Variants in ARHGEF3 observed in about 807,000 individuals in gnomAD.
ARHGEF3 encodes the protein 59.8 kDA protein.
In ARHGEF3, 28 loss-of-function variants were observed where a neutral mutation model predicts 63.2. That is an observed-to-expected ratio of 0.44 (90% CI 0.33 to 0.61). The LOEUF is 0.61. ARHGEF3 is among the 20% of genes least tolerant of loss of function. The probability of loss-of-function intolerance (pLI) is 0.03; values close to 1 mark genes in which losing one functional copy is unlikely to be tolerated. For synonymous variants in ARHGEF3, 266 were observed against 254.2 expected (o/e 1.05, Z -0.44); for missense variants, 533 against 659.3 (o/e 0.81, Z 2.10).
intron 1 of ARHGEF3, among the ~76,000 whole-genome samples, chr3:57,050,799 C>A (rs913794483): frequency 2.6e-5 from 4 of 152,324 alleles, no homozygotes; most frequent in South Asian, 2.1e-4. Context: ...ATTGATGGAA[C>A]TGTGCTCATC....
chr3:56,851,957 G>A (rs2039690494), intron 4 of ARHGEF3, among the ~76,000 whole-genome samples: 1 of 152,152 alleles, frequency 6.6e-6, no homozygotes, highest in South Asian at 2.1e-4. Flanking sequence ...TTATGCTAAT[G>A]GGTCATATCA....
rs1281385606 is a variant in ARHGEF3, at chr3:56,968,224, AT to A, written c.63-9336del. Among the ~76,000 whole-genome samples the A allele has an allele frequency of 2.0e-3, 32 of 15,794 alleles. 2 individuals are homozygous for A. The highest frequency in any genetic ancestry group is 0.016 in the East Asian group (6 of 382). The allele number at this position is 15,794 out of a possible 152,430, so 10.4% of individuals were successfully genotyped here. Reference sequence around the variant, plus strand: ...TATATAAAAATATATATTATATATAATATATATATAAATATATATATTAATA... The same window carrying A: ...TATATAAAAATATATATTATATATAAATATATATAAATATATATATTAATA... On this transcript the variant is annotated intron_variant, in intron 2 of 12. Transcript: ENST00000338458.
chr3:56,762,270 C>G, intron 2 of ARHGEF3, among the ~76,000 whole-genome samples: 1 of 152,078 alleles, frequency 6.6e-6, no homozygotes, highest in Non-Finnish European at 1.5e-5. Context: ...ATGCTGGGAC[C>G]GGAGTGAAAA....
chr3:56,852,875 A>C (rs562430540), intron 4 of ARHGEF3, among the ~76,000 whole-genome samples: 3 of 152,120 alleles, frequency 2.0e-5, no homozygotes, highest in Non-Finnish European at 4.4e-5. Context: ...CACTAGAATT[A>C]TTCCTTCCAA....
intron 3 of ARHGEF3, among the ~76,000 whole-genome samples, chr3:56,901,249 T>C (rs540302904): frequency 8.5e-5 from 13 of 152,260 alleles, no homozygotes; most frequent in South Asian, 6.2e-4. Context: ...GGCCCTTTCA[T>C]TGGTGCCCTT....
rs1704974967 is a variant in ARHGEF3 at position 57,057,069 on chromosome 3, G to A, written c.-27-21893C>T. Among the ~76,000 whole-genome samples, 3 of 152,036 alleles carry A rather than the reference G, an allele frequency of 2.0e-5. No homozygotes were observed. The South Asian group carries it at 6.2e-4, about 32-fold the overall frequency. On this transcript the variant is annotated intron_variant, in intron 1 of 12. Transcript: ENST00000338458. ...AGCTGTAGTCCCGTTATGATCCTGG[G>A]TAAAATGGGGTCTACACTGCAGGTT...
intron 1 of ARHGEF3, among the ~76,000 whole-genome samples, chr3:57,045,050 T>C (rs1408300082): frequency 6.6e-6 from 1 of 152,172 alleles, no homozygotes; most frequent in East Asian, 1.9e-4. Flanking sequence ...ATGGATCACC[T>C]GAACTCAGGA....
upstream of ARHGEF3, among the ~76,000 whole-genome samples, chr3:56,805,993 T>A (rs532381571): frequency 3.9e-5 from 6 of 152,316 alleles, no homozygotes; most frequent in South Asian, 1.2e-3. Flanking sequence ...TTGGGGTGCA[T>A]ACAAGCCATG....
chr3:57,002,075 C>G (rs1256935122), intron 2 of ARHGEF3, among the ~76,000 whole-genome samples: 1 of 151,910 alleles, frequency 6.6e-6, no homozygotes. Flanking sequence ...AGGCGCCCAC[C>G]ACCGTGCCTG....
intron 3 of ARHGEF3, among the ~76,000 whole-genome samples, chr3:56,933,611 G>T (rs182998127): frequency 6.6e-6 from 1 of 152,022 alleles, no homozygotes; most frequent in Non-Finnish European, 1.5e-5. Flanking sequence ...GTAGAGACAG[G>T]ATTTCACGAT....
intron 4 of ARHGEF3, among the ~76,000 whole-genome samples, chr3:56,813,354 A>C (rs1299493693): frequency 6.6e-6 from 1 of 152,180 alleles, no homozygotes; most frequent in Non-Finnish European, 1.5e-5. Flanking sequence ...TCCCATTTTA[A>C]TGCATGTTAG....
rs578036568 is a variant in ARHGEF3, at chr3:56,729,095, C to A, written c.*175G>T. 13 of 606,976 alleles carry A rather than the reference C, an allele frequency of 2.1e-5. No individual in the cohort carries two copies. The East Asian group carries it at 3.7e-4, about 17-fold the overall frequency. 37.6% of individuals were successfully genotyped at this position (606,976 alleles called of 1,614,324 possible). ...TAGTTGCCACAGATTCCAGCTTACA[C>A]AGACAGATTGGCAGTTACAGTACTA... On this transcript the variant is annotated 3_prime_UTR_variant, in exon 10 of 10. Coordinates refer to ENST00000296315, the MANE Select transcript of ARHGEF3 (RefSeq NM_019555.3).
chr3:56,924,711 G>A (rs528879989), intron 3 of ARHGEF3, among the ~76,000 whole-genome samples: 21 of 152,310 alleles, frequency 1.4e-4, no homozygotes, highest in African/African-American at 2.6e-4. Context: ...GGTCACTCTC[G>A]TTGCCATCTT....
chr3:57,009,645 A>G (rs917000168), intron 2 of ARHGEF3, among the ~76,000 whole-genome samples: 8 of 152,148 alleles, frequency 5.3e-5, no homozygotes, highest in African/African-American at 1.9e-4. Flanking sequence ...GAAACAAATG[A>G]GAGTGCGTGG....
chr3:56,959,562 A>G (rs1700190112), intron 2 of ARHGEF3, among the ~76,000 whole-genome samples: 2 of 152,188 alleles, frequency 1.3e-5, no homozygotes, highest in Non-Finnish European at 2.9e-5. Context: ...ATTTTTATGG[A>G]TAAATTACTC....
At chr3:57,011,403 T>C (rs1560130881) in intron 2 of ARHGEF3, among the ~76,000 whole-genome samples, 2 of 152,202 alleles carry the variant, frequency 1.3e-5, no homozygotes, top group Admixed American at 6.5e-5. Context: ...CATTCAAATA[T>C]ATACGTCTCC....
At chr3:56,802,500 A>T (rs1234170811), upstream of ARHGEF3, among the ~76,000 whole-genome samples, 1 of 152,166 alleles carries the variant, frequency 6.6e-6, no homozygotes, top group Non-Finnish European at 1.5e-5. Flanking sequence ...TTTTAAGAGT[A>T]CCGTTTGTTG....
intron 1 of ARHGEF3, among the ~76,000 whole-genome samples, chr3:56,794,393 CAGG>C (rs1427546213): frequency 6.7e-6 from 1 of 148,458 alleles, no homozygotes; most frequent in Non-Finnish European, 1.5e-5. Context: ...GAGGCTCAGA[CAGG>C]AGAACAGCTT....
intron 2 of ARHGEF3, among the ~76,000 whole-genome samples, chr3:56,976,049 T>C (rs940617535): frequency 3.3e-5 from 5 of 152,154 alleles, no homozygotes; most frequent in Non-Finnish European, 7.4e-5. Context: ...GTGTTTTTTG[T>C]TGTTGTTGTT....
Sources: gnomAD v4.1 joint callset for allele counts (sites outside exome capture counted in the v4.1 genomes callset) on GRCh38, gnomAD v4.1.1 for gene constraint, MANE v1.5 for transcripts, NCBI Gene and HGNC (gene_info 2026-07-23, HGNC 2026-07-21) for gene names.